The following ZNF354C variants were observed in gnomAD, a reference collection of about 807,000 sequenced individuals.
ZNF354C encodes zinc finger protein 354C, also known as KRAB-zinc finger protein synten.
In ZNF354C, 7 loss-of-function variants were observed where a neutral mutation model predicts 12.4. The ratio of observed to expected loss-of-function variants is 0.56; its 90% CI spans 0.32 to 1.06. The LOEUF (loss-of-function observed/expected upper bound fraction) is 1.06. Ranked by LOEUF, ZNF354C falls within the 50% of genes least tolerant of loss-of-function variation. The pLI is 0.04. For synonymous variants in ZNF354C, 202 were observed against 224.5 expected (o/e 0.90, Z 0.90); for missense variants, 609 against 658.0 (o/e 0.93, Z 0.81).
In ZNF354C at chr5:179,080,264, G is replaced by C. The variant is rs1004329352; in HGVS notation, c.*167G>C. The C allele has an allele frequency of 1.5e-5, 7 of 457,784 alleles. No homozygotes were observed. The highest frequency in any genetic ancestry group is 3.5e-5 in the East Asian group (1 of 28,938). The allele number at this position is 457,784 out of a possible 1,614,324, so 28.4% of individuals were successfully genotyped here. Reference sequence around the variant, plus strand: ...GTGAGACTATGAAGAGCACTGACTTGTTAAATTTTAAAAGAACCATAAATT... The same window carrying C: ...GTGAGACTATGAAGAGCACTGACTTCTTAAATTTTAAAAGAACCATAAATT... On this transcript the variant is annotated 3_prime_UTR_variant, in exon 5 of 5. Coordinates refer to ENST00000315475, the MANE Select transcript of ZNF354C (RefSeq NM_014594.3).
chr5:179,077,010 T>C, intron 3 of ZNF354C, 61 bp from the exon 4 acceptor site: 1 of 1,426,626 alleles, frequency 7.0e-7, no homozygotes, highest in South Asian at 1.2e-5. Flanking sequence ...GAGTAGTAGG[T>C]CAGTTCTAGG....
In ZNF354C at chr5:179,079,241, AACCTT is replaced by A. The variant is rs767583300; in HGVS notation, c.812_816del (p.Pro271GlnfsTer3). On this transcript the variant is annotated frameshift_variant, in exon 5 of 5. Transcript: ENST00000315475. LOFTEE classifies it low-confidence loss of function (END_TRUNC). The surrounding 1 kb of genome is among the most constrained non-coding windows in gnomAD (Gnocchi z 4.2). ...CATCAGAGAATTCATACTGGAGAGA[AACCTT>A]ACAAGTGTAATGAATGTGAGAAGGC... The A allele has an allele frequency of 6.2e-7, 1 of 1,614,134 alleles. No individual in the cohort carries two copies. Among genetic ancestry groups the A allele is most frequent in the East Asian group, 2.2e-5 (1 of 44,868 alleles).
At chr5:179,062,663 A>G (rs1368819448) in intron 2 of ZNF354C, among the ~76,000 whole-genome samples, 1 of 152,186 alleles carries the variant, frequency 6.6e-6, no homozygotes, top group African/African-American at 2.4e-5. Context: ...CTTAGAGAAG[A>G]CTAAGGGCAT....
intron 2 of ZNF354C, among the ~76,000 whole-genome samples, chr5:179,074,291 C>CTTTT (rs34702354): frequency 7.2e-6 from 1 of 139,418 alleles, no homozygotes; most frequent in East Asian, 2.1e-4. Context: ...AATTTTTGTA[C>CTTTT]TTTTTTTTTT....
At position 179,069,791 on chromosome 5, in the gene ZNF354C, G is replaced by A. The variant is rs866847994; in HGVS notation, c.28-6654G>A. 9.1e-4 allele frequency among the ~76,000 whole-genome samples: 138 copies of A among 151,794 alleles called. No homozygotes were observed. The Middle Eastern group carries it at 0.027, about 30-fold the overall frequency. ...TGAGGCAGGAGAATGGTGTGAACCCGGGAGGCGGAGCTTGCAGTGAGCCGA... is the reference window on the plus strand; with the variant it reads ...TGAGGCAGGAGAATGGTGTGAACCCAGGAGGCGGAGCTTGCAGTGAGCCGA... On this transcript the variant is annotated intron_variant, in intron 2 of 4. Coordinates refer to ENST00000315475, the MANE Select transcript of ZNF354C (RefSeq NM_014594.3).
chr5:179,079,934 G>T lies in ZNF354C; in HGVS notation c.1502G>T (p.Cys501Phe). The T allele has an allele frequency of 1.2e-6, 2 of 1,614,034 alleles. No individual in the cohort carries two copies. Among genetic ancestry groups the T allele is most frequent in the Non-Finnish European group, 8.5e-7 (1 of 1,179,986 alleles). The change falls in exon 5 of 5, where the codon TGT (cysteine) becomes TTT (phenylalanine). Residue 501 changes from cysteine to phenylalanine, a missense_variant. Transcript: ENST00000315475. The surrounding 1 kb of genome is among the most constrained non-coding windows in gnomAD (Gnocchi z 4.2). ...TGEKLYKCME[C>F]GKAYSYRSNL... Reference sequence around the variant, plus strand: ...GAGAAACTGTATAAATGTATGGAATGTGGGAAAGCCTACAGTTACAGATCA... The same window carrying T: ...GAGAAACTGTATAAATGTATGGAATTTGGGAAAGCCTACAGTTACAGATCA...
At chr5:179,061,979 C>G (rs569318890) in intron 1 of ZNF354C, 36 bp from the exon 2 acceptor site, 1 of 1,448,844 alleles carries the variant, frequency 6.9e-7, no homozygotes, top group African/African-American at 1.4e-5. Context: ...CATCTCCTGA[C>G]GCCAGGGTTC....
chr5:179,077,178 G>C lies in ZNF354C; in HGVS notation c.250+12G>C. 16 of 1,609,198 alleles carry C rather than the reference G, an allele frequency of 9.9e-6. No individual in the cohort carries two copies. The highest frequency in any genetic ancestry group is 1.4e-5 in the Non-Finnish European group (16 of 1,175,516). On this transcript the variant is annotated intron_variant, in intron 4 of 4. Coordinates refer to ENST00000315475, the MANE Select transcript of ZNF354C (RefSeq NM_014594.3). The stretch of plus-strand genomic sequence containing the variant: ...AGATACCCGTCTAGGTAAGTGAGAG[G>C]CTGGGAAATGGGCACAAGGGGTTCT...
intron 2 of ZNF354C, among the ~76,000 whole-genome samples, chr5:179,070,179 C>T (rs557041800): frequency 2.0e-4 from 30 of 152,230 alleles, no homozygotes; most frequent in Non-Finnish European, 3.8e-4. Flanking sequence ...TTGTGAACTG[C>T]GCACGTGAGG....
chr5:179,076,621 G>A (rs764045943), intron 3 of ZNF354C, 50 bp downstream of exon 3: 3 of 1,602,624 alleles, frequency 1.9e-6, no homozygotes, highest in East Asian at 4.5e-5. Context: ...ACGCCTCACA[G>A]GTCCATCTTT....
At chr5:179,064,922 T>TGTA (rs1319340629) in intron 2 of ZNF354C, among the ~76,000 whole-genome samples, 1 of 152,174 alleles carries the variant, frequency 6.6e-6, no homozygotes, top group African/African-American at 2.4e-5. Flanking sequence ...CAATATTACA[T>TGTA]ATTTCCATGT....
chr5:179,067,209 C>T (rs1157543574), intron 2 of ZNF354C, among the ~76,000 whole-genome samples: 3 of 152,140 alleles, frequency 2.0e-5, no homozygotes, highest in Admixed American at 6.5e-5. Flanking sequence ...AAGCCTCAGT[C>T]GTTCACATGT....
rs1224977671 is a variant in ZNF354C at position 179,080,474 on chromosome 5, T to TAA, written c.*378_*379dup. ...ACAGTCACTGAGTTAATAATGTAAA[T>TAA]AAGTGTGTGGCCTTCTTTAAAATAG... On this transcript the variant is annotated 3_prime_UTR_variant, in exon 5 of 5. Coordinates refer to ENST00000315475, the MANE Select transcript of ZNF354C (RefSeq NM_014594.3). 1.3e-5 allele frequency: 2 copies of TAA among 153,906 alleles called. No individual in the cohort carries two copies. Among genetic ancestry groups the TAA allele is most frequent in the Non-Finnish European group, 2.9e-5 (2 of 69,358 alleles). The allele number at this position is 153,906 out of a possible 1,614,324, so 9.5% of individuals were successfully genotyped here.
rs1174456440 is a variant in ZNF354C at position 179,060,923 on chromosome 5, G to C, written c.-55+257G>C. ...GAGGAGACCGAGGCAGAGTGGCGAG[G>C]TCATTGCCCCAGATGTAACTGGGGC... On this transcript the variant is annotated intron_variant, in intron 1 of 4. Transcript: ENST00000315475. This position sits in a 1 kb window ranked among gnomAD's most constrained non-coding sequence, Gnocchi z 4.2. Among the ~76,000 whole-genome samples the C allele has an allele frequency of 6.6e-6, 1 of 152,220 alleles. No homozygotes were observed. Among genetic ancestry groups the C allele is most frequent in the Non-Finnish European group, 1.5e-5 (1 of 68,036 alleles).
At chr5:179,063,389 G>A (rs1420147702) in intron 2 of ZNF354C, among the ~76,000 whole-genome samples, 1 of 152,124 alleles carries the variant, frequency 6.6e-6, no homozygotes, top group Non-Finnish European at 1.5e-5. Flanking sequence ...GTGAGGCCTT[G>A]TCACTATACA....
chr5:179,078,229 A>C (rs898174112), intron 4 of ZNF354C, among the ~76,000 whole-genome samples: 1 of 152,260 alleles, frequency 6.6e-6, no homozygotes, highest in African/African-American at 2.4e-5. Context: ...AGTTTCAGAG[A>C]GAGCATGGGG....
rs1032624024 is a variant in ZNF354C at position 179,081,146 on chromosome 5, G to A, written c.*1049G>A. The A allele has an allele frequency of 6.6e-6, 1 of 152,088 alleles. No homozygotes were observed. Among genetic ancestry groups the A allele is most frequent in the African/African-American group, 2.4e-5 (1 of 41,414 alleles). The allele number at this position is 152,088 out of a possible 1,614,324, so 9.4% of individuals were successfully genotyped here. On this transcript the variant is annotated 3_prime_UTR_variant, in exon 5 of 5. Transcript: ENST00000315475. ...ATAGTTGCAGTAATTTAAAGTTACT[G>A]TGTTATCTTTAAGGGCTTCCTCTCA... is the stretch of plus-strand genomic sequence containing the variant.
chr5:179,067,825 G>A (rs1051442557), intron 2 of ZNF354C, among the ~76,000 whole-genome samples: 5 of 151,974 alleles, frequency 3.3e-5, no homozygotes, highest in African/African-American at 7.3e-5. Flanking sequence ...TCCAGCTGGC[G>A]ACAGAGTGAG....
intron 2 of ZNF354C, among the ~76,000 whole-genome samples, chr5:179,071,543 A>C (rs1229084446): frequency 6.6e-6 from 1 of 152,206 alleles, no homozygotes; most frequent in Non-Finnish European, 1.5e-5. Context: ...AAAAGCAGAC[A>C]GATATTAGAC....
Sources: allele counts gnomAD v4.1 joint callset (sites outside exome capture counted in the v4.1 genomes callset), GRCh38; gene constraint gnomAD v4.1.1; non-coding constraint Gnocchi (gnomAD v3.1); transcripts MANE v1.5; gene names NCBI Gene and HGNC (gene_info 2026-07-23, HGNC 2026-07-21).